Variants in SIGLEC9 observed in about 807,000 individuals in gnomAD.
SIGLEC9 encodes sialic acid-binding Ig-like lectin 9.
Under a neutral mutation model 38.3 loss-of-function variants are expected in SIGLEC9, and 26 were observed. That is an observed-to-expected ratio of 0.68 (90% CI 0.50 to 0.94). The LOEUF is 0.94. Among genes scored for constraint, SIGLEC9 ranks in the 40% least tolerant of loss-of-function variants. The probability of loss-of-function intolerance (pLI) is 0.00; values close to 1 mark genes in which losing one functional copy is unlikely to be tolerated. For synonymous variants in SIGLEC9, 236 were observed against 248.0 expected (o/e 0.95, Z 0.45); for missense variants, 556 against 585.7 (o/e 0.95, Z 0.52).
downstream of SIGLEC9, among the ~76,000 whole-genome samples, chr19:51,130,526 C>T (rs900816913): frequency 1.3e-5 from 2 of 152,274 alleles, no homozygotes; most frequent in East Asian, 3.9e-4. Context: ...GTGTCACTTG[C>T]CTGCAAAATA....
In SIGLEC9 at chr19:51,125,045, C is replaced by G. The variant is rs753561495; in HGVS notation, c.71C>G (p.Thr24Arg). Residue 24 changes from threonine to arginine, a missense_variant, in exon 1 of 7, where the codon ACG (threonine) becomes AGG (arginine). Transcript: ENST00000250360. ...RAEGQTSKLL[T>R]MQSSVTVQEG... is the part of the protein sequence containing the mutation. ...GAAGGACAGACAAGTAAACTGCTGA[C>G]GATGCAGAGTTCCGTGACGGTGCAG... The G allele has an allele frequency of 3.1e-6, 5 of 1,613,986 alleles. No homozygotes were observed. Among genetic ancestry groups the G allele is most frequent in the Admixed American group, 1.7e-5 (1 of 60,012 alleles).
chr19:51,123,923 T>C (rs1237117282), upstream of SIGLEC9, among the ~76,000 whole-genome samples: 1 of 152,152 alleles, frequency 6.6e-6, no homozygotes, highest in Non-Finnish European at 1.5e-5. Flanking sequence ...TCCCATGAAA[T>C]CCTGCCCATC....
intron 1 of SIGLEC9, 28 bp from the exon 2 acceptor site, chr19:51,125,569 T>C (rs1303196431): frequency 6.2e-7 from 1 of 1,606,608 alleles, no homozygotes; most frequent in Admixed American, 1.7e-5. Flanking sequence ...TCCTCTGACC[T>C]GATCCTGAGT....
rs2091982982 is a variant in SIGLEC9 at position 51,127,051 on chromosome 19, GC to G, written c.771del (p.Ser258HisfsTer28). ...ACAGTATCCACAGTCTTGGGAAATG[GC>G]TCATCTCTGTCACTCCCAGAGGGCC... is the stretch of plus-strand genomic sequence containing the variant. ...DGTVSTVLGN[G>X]SSLSLPEGQS... On this transcript the variant is annotated frameshift_variant, in exon 4 of 7. Transcript: ENST00000250360. LOFTEE classifies it high-confidence loss of function. 1 of 1,613,922 alleles carries G rather than the reference GC, an allele frequency of 6.2e-7. No individual in the cohort carries two copies.
intron 4 of SIGLEC9, 146 bp downstream of exon 4, chr19:51,127,442 A>G (rs2091986242): frequency 2.3e-6 from 2 of 884,710 alleles, no homozygotes; most frequent in African/African-American, 1.7e-5. Context: ...TGGGACCCAC[A>G]GCACCACTGT....
intron 5 of SIGLEC9, 70 bp downstream of exon 5, chr19:51,128,109 G>C: frequency 7.8e-7 from 1 of 1,284,592 alleles, no homozygotes; most frequent in Non-Finnish European, 1.1e-6. Context: ...CTGGATCCCT[G>C]AAGCCAGAGC....
At chr19:51,120,430 GC>G (rs1025944029), upstream of SIGLEC9, 1 of 152,244 alleles carries the variant, frequency 6.6e-6, no homozygotes, top group Non-Finnish European at 1.5e-5. The surrounding 1 kb of genome is among the most constrained non-coding windows in gnomAD (Gnocchi z 4.1). Flanking sequence ...CACAGGGAGT[GC>G]CCCCACTCCC....
chr19:51,125,692 G>A lies in SIGLEC9; in HGVS notation c.517G>A (p.Gly173Arg). The A allele has an allele frequency of 1.2e-6, 2 of 1,613,976 alleles. No homozygotes were observed. Among genetic ancestry groups the A allele is most frequent in the Non-Finnish European group, 8.5e-7 (1 of 1,179,994 alleles). ...CTCTGTGCCCTGGGCCTGTGAGCAGGGGACACCCCCTATGATCTCCTGGAT... is the reference window on the plus strand; with the variant it reads ...CTCTGTGCCCTGGGCCTGTGAGCAGAGGACACCCCCTATGATCTCCTGGAT... ...TCSVPWACEQ[G>R]TPPMISWIGT... The change falls in exon 2 of 7, where the codon GGG becomes AGG. Residue 173 changes from glycine (G) to arginine (R), a missense_variant. By Grantham distance (125) the Gly-to-Arg change is moderately radical (BLOSUM62 -2). Transcript: ENST00000250360.
chr19:51,134,529 G>A (rs535973485), downstream of SIGLEC9, among the ~76,000 whole-genome samples: 9 of 152,214 alleles, frequency 5.9e-5, no homozygotes, highest in South Asian at 2.1e-4. Flanking sequence ...ATTGAATCAC[G>A]CAAATAAAAT....
upstream of SIGLEC9, among the ~76,000 whole-genome samples, chr19:51,121,911 C>T (rs2091950948): frequency 6.6e-6 from 1 of 151,930 alleles, no homozygotes; most frequent in South Asian, 2.1e-4. Flanking sequence ...GATCATTGTT[C>T]CATGCCCCTC....
exon 7 of SIGLEC9, chr19:51,136,084 C>A (rs1254132420): frequency 4.3e-6 from 3 of 703,876 alleles, no homozygotes; most frequent in Non-Finnish European, 7.8e-6. Context: ...TCAGTCATTT[C>A]AGACTCATTA....
chr19:51,129,446 A>C (rs868714466), intron 6 of SIGLEC9, among the ~76,000 whole-genome samples: 4 of 152,006 alleles, frequency 2.6e-5, no homozygotes, highest in African/African-American at 9.7e-5. Context: ...GGCGTGAGCC[A>C]CTGTGACCGG....
At chr19:51,133,583 AAAAT>A (rs1245591861), downstream of SIGLEC9, among the ~76,000 whole-genome samples, 2 of 152,166 alleles carry the variant, frequency 1.3e-5, no homozygotes, top group Non-Finnish European at 2.9e-5. Context: ...CCCCATCTTG[AAAAT>A]AAATAAATAA....
Position 51,125,766 on chromosome 19 carries a change from G to A in SIGLEC9, c.591G>A (p.Val197=). ...ACCCCTCCACCACCCGCTCCTCGGTGCTCACCCTCATCCCACAGCCCCAGG... is the reference window on the plus strand; with the variant it reads ...ACCCCTCCACCACCCGCTCCTCGGTACTCACCCTCATCCCACAGCCCCAGG... ...PLDPSTTRSS[V]LTLIPQPQDH... is the part of the protein sequence containing the mutation. The change falls in exon 2 of 7, where the codon GTG becomes GTA. Residue 197 remains valine (V), a synonymous_variant. Coordinates refer to ENST00000250360, the MANE Select transcript of SIGLEC9 (RefSeq NM_014441.3). The A allele has an allele frequency of 1.2e-6, 2 of 1,614,018 alleles. No individual in the cohort carries two copies. Among genetic ancestry groups the A allele is most frequent in the African/African-American group, 1.3e-5 (1 of 75,028 alleles).
chr19:51,131,915 CAAAA>C (rs534454904), downstream of SIGLEC9, among the ~76,000 whole-genome samples: 2 of 117,416 alleles, frequency 1.7e-5, no homozygotes, highest in Admixed American at 9.0e-5. Flanking sequence ...GAGTCTGTGT[CAAAA>C]AAAAAAAAAA....
At chr19:51,129,138 CT>C (rs1220098385) in intron 6 of SIGLEC9, among the ~76,000 whole-genome samples, 1 of 142,752 alleles carries the variant, frequency 7.0e-6, no homozygotes, top group Admixed American at 6.9e-5. Context: ...CACATTCTGA[CT>C]TTTTTTGTTT....
At chr19:51,121,807 G>A (rs531253733), upstream of SIGLEC9, among the ~76,000 whole-genome samples, 6 of 151,938 alleles carry the variant, frequency 3.9e-5, no homozygotes, top group South Asian at 4.2e-4. Flanking sequence ...GGGTGGTCTC[G>A]AACTCCTTGA....
rs755698297 is a variant in SIGLEC9, at chr19:51,124,948, G to C, written c.-27G>C. 33 of 1,577,518 alleles carry C rather than the reference G, an allele frequency of 2.1e-5. No homozygotes were observed. The highest frequency in any genetic ancestry group is 2.8e-5 in the Non-Finnish European group (33 of 1,161,394). ...AACCCTGAGGAACAGACGTTCCCTCGCGGCCCTGGCACCTCTAACCCCAGA... is the reference window on the plus strand; with the variant it reads ...AACCCTGAGGAACAGACGTTCCCTCCCGGCCCTGGCACCTCTAACCCCAGA... On this transcript the variant is annotated 5_prime_UTR_variant, in exon 1 of 7. Transcript: ENST00000250360.
chr19:51,132,577 TAACA>T (rs1044799648), downstream of SIGLEC9, among the ~76,000 whole-genome samples: 1 of 152,166 alleles, frequency 6.6e-6, no homozygotes, highest in Non-Finnish European at 1.5e-5. Flanking sequence ...CATTTTGGTT[TAACA>T]AACCCTTTCG....
Sources: gnomAD v4.1 joint callset for allele counts (sites outside exome capture counted in the v4.1 genomes callset) on GRCh38, gnomAD v4.1.1 for gene constraint, Gnocchi (gnomAD v3.1) non-coding constraint, MANE v1.5 for transcripts, NCBI Gene and HGNC (gene_info 2026-07-23, HGNC 2026-07-21) for gene names.